ABCA1: variants seen among roughly 807,000 people sequenced by gnomAD.
ABCA1 encodes phospholipid-transporting ATPase ABCA1.
A neutral mutation model predicts 262.5 loss-of-function variants in ABCA1; 133 were observed. The observed-to-expected ratio is 0.51, with a 90% confidence interval of 0.44 to 0.59. The LOEUF is 0.59. Among genes scored for constraint, ABCA1 ranks in the 20% least tolerant of loss-of-function variants. The probability of loss-of-function intolerance (pLI) is 0.00; values close to 1 mark genes in which losing one functional copy is unlikely to be tolerated. For synonymous variants in ABCA1, 1,022 were observed against 1,043.5 expected, an observed-to-expected ratio of 0.98 and a Z score of 0.40; for missense variants, 2,452 against 2,777.5, an observed-to-expected ratio of 0.88 and a Z score of 2.63.
Position 104,829,006 on chromosome 9 carries a change from G to A in ABCA1, c.2025C>T (p.Gly675=). 6.2e-7 allele frequency: 1 copy of A among 1,614,152 alleles called. No homozygotes were observed. Among genetic ancestry groups the A allele is most frequent in the Non-Finnish European group, 8.5e-7 (1 of 1,180,038 alleles). Residue 675 remains glycine (G), a synonymous_variant, in exon 15 of 50, where the codon GGC becomes GGT. Coordinates refer to ENST00000374736, the MANE Select transcript of ABCA1 (RefSeq NM_005502.4). ...TAAACCAGAGGATGCTGTTGTCCAGGCCCATGATCCGCATGGTCTCTTTCA... is the reference window on the plus strand; with the variant it reads ...TAAACCAGAGGATGCTGTTGTCCAGACCCATGATCCGCATGGTCTCTTTCA... The part of the protein sequence containing the change: ...ARLKETMRIM[G]LDNSILWFSW...
intron 8 of ABCA1, among the ~76,000 whole-genome samples, chr9:104,841,682 G>A (rs2487065): frequency 6.6e-6 from 1 of 151,976 alleles, no homozygotes; most frequent in Non-Finnish European, 1.5e-5. Context: ...CTACAACAGT[G>A]TGTGGTGAGG....
intron 5 of ABCA1, among the ~76,000 whole-genome samples, chr9:104,869,310 T>C (rs188813677): frequency 7.2e-6 from 1 of 139,146 alleles, no homozygotes; most frequent in East Asian, 2.6e-4. Context: ...AATGGACCCC[T>C]GGGGTGGGGG....
chr9:104,923,348 C>G (rs1842251872), intron 1 of ABCA1, among the ~76,000 whole-genome samples: 1 of 152,226 alleles, frequency 6.6e-6, no homozygotes, highest in Non-Finnish European at 1.5e-5. Flanking sequence ...TCGCAAACAT[C>G]TGACTGAAGC....
chr9:104,813,379 C>T (rs1446541677), intron 27 of ABCA1, among the ~76,000 whole-genome samples: 1 of 152,176 alleles, frequency 6.6e-6, no homozygotes, highest in Non-Finnish European at 1.5e-5. Flanking sequence ...CTCAGTTAAA[C>T]ACACAAAGAC....
chr9:104,842,000 G>C (rs1037785019), intron 8 of ABCA1, among the ~76,000 whole-genome samples: 8 of 152,236 alleles, frequency 5.3e-5, no homozygotes, highest in African/African-American at 1.9e-4. Flanking sequence ...GAGCACAGAG[G>C]GGAGGGGAAG....
intron 1 of ABCA1, among the ~76,000 whole-genome samples, chr9:104,915,095 C>T (rs1841765799): frequency 6.6e-6 from 1 of 152,220 alleles, no homozygotes; most frequent in Non-Finnish European, 1.5e-5. Context: ...AGCCTATAAA[C>T]ACCTGGATAC....
chr9:104,824,615 T>A lies in ABCA1; in HGVS notation c.2543-37A>T, dbSNP rs61648534. The A allele has an allele frequency of 1.8e-3, 2,957 of 1,610,056 alleles. 53 individuals are homozygous for A. The African/African-American group carries it at 0.033, about 18-fold the overall frequency. On this transcript the variant is annotated intron_variant, in intron 17 of 49. Coordinates refer to ENST00000374736, the MANE Select transcript of ABCA1 (RefSeq NM_005502.4). The stretch of plus-strand genomic sequence containing the variant: ...GCACAGGTATGAGCCAAGCTCAGCA[T>A]CATCCCAGTATTCTGAGGGTTTCCC...
At chr9:104,889,501 G>T in intron 2 of ABCA1, 1 of 468,438 alleles carries the variant, frequency 2.1e-6, no homozygotes, top group Non-Finnish European at 2.8e-6. Context: ...ATCTCAGCCT[G>T]AGCTAGAAGC....
intron 3 of ABCA1, among the ~76,000 whole-genome samples, chr9:104,886,307 A>C (rs1461994287): frequency 6.6e-6 from 1 of 152,168 alleles, no homozygotes; most frequent in Non-Finnish European, 1.5e-5. Context: ...GACTTGCTGC[A>C]CTTTGCATTT....
At chr9:104,864,854 T>C (rs778207051) in intron 5 of ABCA1, among the ~76,000 whole-genome samples, 8 of 152,146 alleles carry the variant, frequency 5.3e-5, no homozygotes, top group East Asian at 1.9e-4. Flanking sequence ...ACTTCTGTTA[T>C]GTTAACAGGC....
intron 5 of ABCA1, among the ~76,000 whole-genome samples, chr9:104,864,274 G>A (rs1836881293): frequency 6.6e-6 from 1 of 152,108 alleles, no homozygotes; most frequent in South Asian, 2.1e-4. Flanking sequence ...GGTCCAGGAA[G>A]AGCCCAGGGA....
chr9:104,906,337 C>A (rs1047259947), intron 1 of ABCA1, among the ~76,000 whole-genome samples: 4 of 152,078 alleles, frequency 2.6e-5, no homozygotes, highest in Non-Finnish European at 5.9e-5. Flanking sequence ...AGAAGACACA[C>A]CTCTACACAA....
At chr9:104,876,279 G>T (rs1426621715) in intron 5 of ABCA1, among the ~76,000 whole-genome samples, 2 of 152,178 alleles carry the variant, frequency 1.3e-5, no homozygotes, top group Non-Finnish European at 2.9e-5. Flanking sequence ...CAAGAGCCTC[G>T]CTAAGTGTGG....
chr9:104,784,292 C>T lies in ABCA1; in HGVS notation c.*23G>A, dbSNP rs1181794853. 2.5e-6 allele frequency: 4 copies of T among 1,613,760 alleles called. No individual in the cohort carries two copies. The African/African-American group carries it at 5.3e-5, about 22-fold the overall frequency. ...AAGTCTAGTTCCTCTTTACTTTCAG[C>T]CACCCCGTATGAACAGGATTCTTCA... On this transcript the variant is annotated 3_prime_UTR_variant, in exon 50 of 50. Coordinates refer to ENST00000374736, the MANE Select transcript of ABCA1 (RefSeq NM_005502.4).
chr9:104,875,867 G>A (rs941741760), intron 5 of ABCA1, among the ~76,000 whole-genome samples: 6 of 152,128 alleles, frequency 3.9e-5, no homozygotes, highest in Admixed American at 3.3e-4. Flanking sequence ...CCCCAGAAAC[G>A]TGTGACTTGT....
At chr9:104,810,968 G>T (rs756177495) in intron 28 of ABCA1, 44 bp from the exon 29 acceptor site, 5 of 1,613,306 alleles carry the variant, frequency 3.1e-6, no homozygotes, top group South Asian at 1.1e-5. Context: ...GCAGGAAACG[G>T]CAAGTGTTAG....
At chr9:104,864,091 A>G (rs773716588) in intron 5 of ABCA1, among the ~76,000 whole-genome samples, 2 of 152,212 alleles carry the variant, frequency 1.3e-5, no homozygotes, top group Non-Finnish European at 2.9e-5. Context: ...GACTATGCCT[A>G]TAGGATAGGG....
At position 104,804,540 on chromosome 9, in the gene ABCA1, C is replaced by T. The variant is rs545852812; in HGVS notation, c.4559+86G>A. 5.2e-5 allele frequency: 56 copies of T among 1,075,484 alleles called. 1 individual carries two copies. In the East Asian group the frequency reaches 1.3e-3, roughly 24 times the overall value. 66.6% of individuals were successfully genotyped at this position (1,075,484 alleles called of 1,614,324 possible). ...AATCAGGCCATAATCTGGCATTTCC[C>T]CCACTGTTTCAGTCTGTTATTTGTA... On this transcript the variant is annotated intron_variant, in intron 32 of 49. Transcript: ENST00000374736.
At chr9:104,802,243 G>A in intron 33 of ABCA1, 84 bp from the exon 34 acceptor site, 1 of 1,236,550 alleles carries the variant, frequency 8.1e-7, no homozygotes, top group Non-Finnish European at 1.2e-6. Flanking sequence ...TGTGTACAAG[G>A]TTCACTGAGT....
Sources: gnomAD v4.1 joint callset for allele counts (sites outside exome capture counted in the v4.1 genomes callset) on GRCh38, gnomAD v4.1.1 for gene constraint, MANE v1.5 for transcripts, NCBI Gene and HGNC (gene_info 2026-07-23, HGNC 2026-07-21) for gene names.